TTC23: variants seen among roughly 807,000 people sequenced by gnomAD.
TTC23 encodes tetratricopeptide repeat protein 23.
A neutral mutation model predicts 55.1 loss-of-function variants in TTC23; 58 were observed. The ratio of observed to expected loss-of-function variants is 1.05; its 90% CI spans 0.85 to 1.31. TTC23 has a LOEUF of 1.31. TTC23 is among the 50% of genes most tolerant of loss of function. TTC23 has a pLI of 0.00. For missense variants in TTC23, 516 were observed against 534.4 expected, an observed-to-expected ratio of 0.97 and a Z score of 0.34; for synonymous variants, 203 against 199.9, an observed-to-expected ratio of 1.02 and a Z score of -0.13.
At chr15:99,208,480 C>A (rs941238699) in intron 8 of TTC23, among the ~76,000 whole-genome samples, 23 of 152,052 alleles carry the variant, frequency 1.5e-4, no homozygotes, top group Admixed American at 7.9e-4. Flanking sequence ...CATAATACTA[C>A]ATATATATGT....
chr15:99,205,983 T>C (rs1347939787), intron 8 of TTC23, among the ~76,000 whole-genome samples: 1 of 152,176 alleles, frequency 6.6e-6, no homozygotes, highest in Non-Finnish European at 1.5e-5. Context: ...GGTATGTTCC[T>C]TTAGTAAGTT....
At chr15:99,176,636 A>T (rs2073591019) in intron 9 of TTC23, among the ~76,000 whole-genome samples, 1 of 152,164 alleles carries the variant, frequency 6.6e-6, no homozygotes, top group Admixed American at 6.5e-5. Flanking sequence ...CAAAAAGATA[A>T]AAAAGGAAAA....
intron 13 of TTC23, 59 bp from the exon 14 acceptor site, chr15:99,138,186 C>T (rs2067758222): frequency 6.3e-7 from 1 of 1,593,904 alleles, no homozygotes; most frequent in Admixed American, 1.7e-5. Flanking sequence ...ACACCGTTCC[C>T]ATCCAGCCTT....
chr15:99,178,902 T>C (rs189449249), intron 9 of TTC23, among the ~76,000 whole-genome samples: 6 of 152,062 alleles, frequency 3.9e-5, no homozygotes, highest in East Asian at 1.9e-4. Context: ...GAAAGAAGAA[T>C]TGTAGGGAAA....
At chr15:99,157,436 T>G (rs947238448) in intron 11 of TTC23, 1 of 152,156 alleles carries the variant, frequency 6.6e-6, no homozygotes, top group African/African-American at 2.4e-5. Context: ...GGTCTTGAAC[T>G]CCTGACCTCA....
intron 3 of TTC23, among the ~76,000 whole-genome samples, chr15:99,237,714 G>T (rs936760707): frequency 6.6e-6 from 1 of 152,062 alleles, no homozygotes; most frequent in Non-Finnish European, 1.5e-5. Context: ...GATTACAAGG[G>T]GCATGAGGAA....
rs782720086 is a variant in TTC23, at chr15:99,139,792, C to A, written c.1144-393G>T. The A allele has an allele frequency of 7.9e-6, 10 of 1,262,034 alleles. 1 individual carries two copies. The highest frequency in any genetic ancestry group is 3.8e-5 in the South Asian group (3 of 78,732). 78.2% of individuals were successfully genotyped at this position (1,262,034 alleles called of 1,614,324 possible). Reference sequence around the variant, plus strand: ...GTTTTGTTTTTTTTGTAAACACATACTCTACTTTTATTAATATATAGGCTG... The same window carrying A: ...GTTTTGTTTTTTTTGTAAACACATAATCTACTTTTATTAATATATAGGCTG... On this transcript the variant is annotated intron_variant, in intron 12 of 13. Coordinates refer to ENST00000394132, the MANE Select transcript of TTC23 (RefSeq NM_001288615.3).
At chr15:99,233,720 T>C (rs1036929153) in intron 4 of TTC23, among the ~76,000 whole-genome samples, 9 of 152,202 alleles carry the variant, frequency 5.9e-5, no homozygotes, top group Non-Finnish European at 1.3e-4. Context: ...TCTATACAGA[T>C]TTTAGATTTT....
At chr15:99,197,259 T>C (rs548985605) in intron 9 of TTC23, among the ~76,000 whole-genome samples, 92 of 152,130 alleles carry the variant, frequency 6.0e-4, no homozygotes, top group East Asian at 4.9e-3. Flanking sequence ...CCCGCCACCA[T>C]GCCCGGCTAA....
At chr15:99,139,860 C>A (rs1596175719) in intron 12 of TTC23, 1 of 830,440 alleles carries the variant, frequency 1.2e-6, no homozygotes. Context: ...TTATTAGGAA[C>A]CAAATATTCA....
In TTC23 at chr15:99,175,060, G is replaced by T. The variant is rs200552172; in HGVS notation, c.855C>A (p.His285Gln). 1.9e-6 allele frequency: 3 copies of T among 1,613,908 alleles called. No individual in the cohort carries two copies. Among genetic ancestry groups the T allele is most frequent in the Non-Finnish European group, 2.5e-6 (3 of 1,179,970 alleles). Residue 285 changes from histidine (H) to glutamine (Q), a missense_variant, in exon 10 of 14, where the codon CAC becomes CAA. Coordinates refer to ENST00000394132, the MANE Select transcript of TTC23 (RefSeq NM_001288615.3). ...AAGGATTCTTCTCACCATGGTGCTC[G>T]TGTCTCCCTGAAGCGACAGCAGCAT... ...VAHAAVASGR[H>Q]EHHDVAEQYF...
chr15:99,182,672 T>C (rs1264371008), intron 9 of TTC23, among the ~76,000 whole-genome samples: 1 of 152,170 alleles, frequency 6.6e-6, no homozygotes, highest in Non-Finnish European at 1.5e-5. Context: ...CATCTGTATA[T>C]ATGCAGAGAA....
chr15:99,202,029 C>A (rs2076242486), intron 8 of TTC23, among the ~76,000 whole-genome samples: 3 of 152,144 alleles, frequency 2.0e-5, no homozygotes, highest in African/African-American at 7.2e-5. Context: ...GTTTTATTGG[C>A]ACAATGCCAT....
At chr15:99,178,214 T>C (rs1472032479) in intron 9 of TTC23, among the ~76,000 whole-genome samples, 1 of 152,154 alleles carries the variant, frequency 6.6e-6, no homozygotes, top group Non-Finnish European at 1.5e-5. Context: ...TCCTGAAAGC[T>C]TAAAGGGATC....
intron 9 of TTC23, among the ~76,000 whole-genome samples, chr15:99,193,198 G>A (rs981483128): frequency 7.9e-5 from 12 of 152,200 alleles, no homozygotes; most frequent in South Asian, 2.1e-4. Flanking sequence ...ATGCTGAAAT[G>A]AGGTGAGACT....
chr15:99,161,120 A>G (rs2071317144), intron 11 of TTC23: 1 of 151,908 alleles, frequency 6.6e-6, no homozygotes, highest in Non-Finnish European at 1.5e-5. Context: ...ATATACATAT[A>G]TATGCACACA....
chr15:99,182,248 T>TCTCTCACA (rs1286172224), intron 9 of TTC23, among the ~76,000 whole-genome samples: 6 of 108,692 alleles, frequency 5.5e-5, no homozygotes, highest in Admixed American at 9.5e-5. Flanking sequence ...TCTCTCTCTC[T>TCTCTCACA]CACACACACA....
At chr15:99,148,870 C>T (rs577391795) in intron 12 of TTC23, among the ~76,000 whole-genome samples, 2 of 152,316 alleles carry the variant, frequency 1.3e-5, no homozygotes, top group South Asian at 2.1e-4. Flanking sequence ...ATCAATAATA[C>T]GGTTTCCTTT....
At chr15:99,158,775 T>C (rs2070957015) in intron 11 of TTC23, 1 of 152,320 alleles carries the variant, frequency 6.6e-6, no homozygotes, top group South Asian at 2.1e-4. Context: ...ACACCTGGGA[T>C]GGCCTGAGCA....
Sources: gnomAD v4.1 joint callset for allele counts (sites outside exome capture counted in the v4.1 genomes callset) on GRCh38, gnomAD v4.1.1 for gene constraint, MANE v1.5 for transcripts, NCBI Gene and HGNC (gene_info 2026-07-23, HGNC 2026-07-21) for gene names.